SPPL3: variants seen among roughly 807,000 people sequenced by gnomAD.
The protein encoded by SPPL3 is signal peptide peptidase-like 3.
Under a neutral mutation model 42.4 loss-of-function variants are expected in SPPL3, and 5 were observed. That is an observed-to-expected ratio of 0.12 (90% confidence interval 0.06 to 0.25). The LOEUF is 0.25. SPPL3 is among the 10% of genes least tolerant of loss of function. The probability of loss-of-function intolerance (pLI) is 1.00; values close to 1 mark genes in which losing one functional copy is unlikely to be tolerated. For synonymous variants in SPPL3, 195 were observed against 181.8 expected (o/e 1.07, Z -0.58); for missense variants, 235 against 489.0 (o/e 0.48, Z 4.90).
intron 1 of SPPL3, among the ~76,000 whole-genome samples, chr12:120,875,307 G>A (rs1028334919): frequency 1.3e-5 from 2 of 152,100 alleles, no homozygotes; most frequent in Non-Finnish European, 2.9e-5. Context: ...TTATGCTTAA[G>A]TTACAGGTGA....
intron 5 of SPPL3, 56 bp from the exon 6 acceptor site, chr12:120,782,823 T>C (rs1869589987): frequency 7.7e-7 from 1 of 1,293,464 alleles, no homozygotes; most frequent in Non-Finnish European, 1.1e-6. Context: ...AGTAACCAAA[T>C]TCTCCTTTGG....
At chr12:120,895,438 AAAAG>A (rs1204400835) in intron 1 of SPPL3, among the ~76,000 whole-genome samples, 1 of 152,068 alleles carries the variant, frequency 6.6e-6, no homozygotes, top group African/African-American at 2.4e-5. Flanking sequence ...AAAAAAAAAA[AAAAG>A]AAACATAGCT....
chr12:120,859,624 A>C (rs1268415494), intron 1 of SPPL3, among the ~76,000 whole-genome samples: 1 of 152,180 alleles, frequency 6.6e-6, no homozygotes, highest in Admixed American at 6.5e-5. Context: ...AGGAAGCTAC[A>C]CTACACCTAA....
chr12:120,799,595 G>C (rs899584012), intron 2 of SPPL3, among the ~76,000 whole-genome samples: 6 of 152,154 alleles, frequency 3.9e-5, no homozygotes, highest in Non-Finnish European at 7.4e-5. Context: ...TGGAGGACTG[G>C]TAAGGAGAGC....
At chr12:120,857,187 C>G (rs983211574) in intron 1 of SPPL3, among the ~76,000 whole-genome samples, 1 of 152,190 alleles carries the variant, frequency 6.6e-6, no homozygotes, top group African/African-American at 2.4e-5. Context: ...AGAGGGAGCT[C>G]TAGAGCCAGA....
At chr12:120,765,924 T>G (rs1249435185) in intron 10 of SPPL3, among the ~76,000 whole-genome samples, 1 of 152,160 alleles carries the variant, frequency 6.6e-6, no homozygotes, top group Non-Finnish European at 1.5e-5. Context: ...GTTAAGCTGT[T>G]AGGTGGCAGG....
chr12:120,892,218 T>C (rs1384214030), intron 1 of SPPL3, among the ~76,000 whole-genome samples: 2 of 152,202 alleles, frequency 1.3e-5, no homozygotes, highest in East Asian at 3.9e-4. Flanking sequence ...ACCTACTATC[T>C]GTAGGTCCTT....
chr12:120,764,931 G>T lies in SPPL3; in HGVS notation c.*68C>A. 6.4e-7 allele frequency: 1 copy of T among 1,550,896 alleles called. No individual in the cohort carries two copies. Among genetic ancestry groups the T allele is most frequent in the Non-Finnish European group, 8.8e-7 (1 of 1,132,706 alleles). On this transcript the variant is annotated 3_prime_UTR_variant, in exon 11 of 11. Transcript: ENST00000353487. ...TTTCTGAGTACCAGGCCAGCTCTAA[G>T]AGGAAACAAACCATGAGTTGAGAGA...
At chr12:120,834,556 G>T (rs1326592133) in intron 1 of SPPL3, among the ~76,000 whole-genome samples, 1 of 152,154 alleles carries the variant, frequency 6.6e-6, no homozygotes, top group Non-Finnish European at 1.5e-5. Context: ...GGAGATGTTA[G>T]AAATCTTTGC....
At chr12:120,878,579 T>C (rs925736292) in intron 1 of SPPL3, among the ~76,000 whole-genome samples, 2 of 152,160 alleles carry the variant, frequency 1.3e-5, no homozygotes, top group African/African-American at 4.8e-5. Context: ...AATACGCCCA[T>C]AATAGAGACA....
chr12:120,823,835 T>C (rs1187018831), intron 1 of SPPL3, among the ~76,000 whole-genome samples: 1 of 152,152 alleles, frequency 6.6e-6, no homozygotes, highest in Non-Finnish European at 1.5e-5. Context: ...TGTTTTACTA[T>C]AGTCATTGTG....
intron 2 of SPPL3, among the ~76,000 whole-genome samples, chr12:120,806,977 T>C (rs1250493185): frequency 6.6e-6 from 1 of 152,112 alleles, no homozygotes; most frequent in Non-Finnish European, 1.5e-5. Flanking sequence ...AAACGTGAAA[T>C]TGGTAAAGTG....
intron 1 of SPPL3, among the ~76,000 whole-genome samples, chr12:120,884,136 A>G (rs1039271743): frequency 1.3e-5 from 2 of 150,484 alleles, no homozygotes; most frequent in African/African-American, 4.9e-5. Flanking sequence ...ATGTAAATCT[A>G]GTTTTTTTAA....
At chr12:120,855,985 G>A (rs945097904) in intron 1 of SPPL3, among the ~76,000 whole-genome samples, 3 of 152,140 alleles carry the variant, frequency 2.0e-5, no homozygotes, top group Non-Finnish European at 2.9e-5. Context: ...AGCCAGCACT[G>A]TTCAACAGAA....
chr12:120,777,840 A>ACAAATGACCAAACCTGTCAGAATC (rs1869380566), intron 6 of SPPL3, among the ~76,000 whole-genome samples: 1 of 152,212 alleles, frequency 6.6e-6, no homozygotes, highest in Non-Finnish European at 1.5e-5. Flanking sequence ...AAGATGCTAA[A>ACAAATGACCAAACCTGTCAGAATC]CAAATGACCA....
At chr12:120,813,861 C>G (rs1409384956) in intron 1 of SPPL3, among the ~76,000 whole-genome samples, 1 of 152,122 alleles carries the variant, frequency 6.6e-6, no homozygotes, top group Admixed American at 6.5e-5. Context: ...TTTAACCAAT[C>G]AAGTATTTTC....
chr12:120,864,286 G>C (rs1215588457), intron 1 of SPPL3, among the ~76,000 whole-genome samples: 1 of 152,168 alleles, frequency 6.6e-6, no homozygotes, highest in Non-Finnish European at 1.5e-5. Context: ...TGTGATCCCA[G>C]CACTTTGGGA....
In SPPL3 at chr12:120,903,881, G is replaced by A. The variant is rs1434157541; in HGVS notation, c.-14C>T. 7.0e-6 allele frequency: 10 copies of A among 1,438,600 alleles called. No individual in the cohort carries two copies. Among genetic ancestry groups the A allele is most frequent in the Admixed American group, 5.2e-5 (2 of 38,518 alleles). 89.1% of individuals were successfully genotyped at this position (1,438,600 alleles called of 1,614,324 possible). On this transcript the variant is annotated 5_prime_UTR_variant, in exon 1 of 11. It adds an upstream start codon to the 5' untranslated region. Transcript: ENST00000353487. ...CTGCTCCGCCATGGCGCTGCCTCTCGTGGGCTCCGCTGCAGGCTGTGGCCG... is the reference window on the plus strand; with the variant it reads ...CTGCTCCGCCATGGCGCTGCCTCTCATGGGCTCCGCTGCAGGCTGTGGCCG...
intron 1 of SPPL3, among the ~76,000 whole-genome samples, chr12:120,894,592 T>C (rs1279487098): frequency 6.6e-6 from 1 of 152,178 alleles, no homozygotes; most frequent in Non-Finnish European, 1.5e-5. Context: ...AGCCCAAGCC[T>C]GAGGCCTCAG....
Sources: gnomAD v4.1 joint callset for allele counts (sites outside exome capture counted in the v4.1 genomes callset) on GRCh38, gnomAD v4.1.1 for gene constraint, MANE v1.5 for transcripts, NCBI Gene and HGNC (gene_info 2026-07-23, HGNC 2026-07-21) for gene names.